Variants in CSMD1 observed in about 807,000 individuals in gnomAD.
The protein encoded by CSMD1 is CUB and Sushi multiple domains 1, also known as CUB and sushi domain-containing protein 1.
Under a neutral mutation model 417.5 loss-of-function variants are expected in CSMD1, and 213 were observed. The observed-to-expected ratio is 0.51, with a 90% CI of 0.46 to 0.57. The LOEUF (loss-of-function observed/expected upper bound fraction) is 0.57. Among genes scored for constraint, CSMD1 ranks in the 20% least tolerant of loss-of-function variants. The pLI is 0.00. For synonymous variants in CSMD1, 2,862 were observed against 1,736.8 expected, an observed-to-expected ratio of 1.65 and a Z score of -16.11; for missense variants, 6,923 against 4,529.7, an observed-to-expected ratio of 1.53 and a Z score of -15.17.
intron 29 of CSMD1, among the ~76,000 whole-genome samples, chr8:3,218,688 A>C (rs945764686): frequency 6.6e-6 from 1 of 152,022 alleles, no homozygotes; most frequent in Non-Finnish European, 1.5e-5. Context: ...CCTGACCAAT[A>C]TGATGAAACC....
chr8:4,459,694 G>A (rs1318088226), intron 2 of CSMD1, among the ~76,000 whole-genome samples: 1 of 152,136 alleles, frequency 6.6e-6, no homozygotes, highest in African/African-American at 2.4e-5. Flanking sequence ...TAAGAATATG[G>A]AGCCCAGAGC....
intron 3 of CSMD1, among the ~76,000 whole-genome samples, chr8:4,064,268 C>CT (rs1204636971): frequency 1.3e-5 from 2 of 152,166 alleles, no homozygotes; most frequent in Non-Finnish European, 2.9e-5. Context: ...TCAGTCTTCC[C>CT]TTTTTTATCG....
At chr8:4,113,596 G>C (rs1172341686) in intron 3 of CSMD1, among the ~76,000 whole-genome samples, 2 of 151,990 alleles carry the variant, frequency 1.3e-5, no homozygotes, top group African/African-American at 2.4e-5. Context: ...AGTAGAGACA[G>C]AGTTTCACTG....
At chr8:3,155,135 C>A (rs1819438276) in intron 39 of CSMD1, among the ~76,000 whole-genome samples, 1 of 151,850 alleles carries the variant, frequency 6.6e-6, no homozygotes, top group Admixed American at 6.6e-5. Context: ...AATAAAACAT[C>A]CCATTATGTA....
At chr8:4,586,382 A>G (rs965748964) in intron 2 of CSMD1, among the ~76,000 whole-genome samples, 1 of 152,204 alleles carries the variant, frequency 6.6e-6, no homozygotes, top group Admixed American at 6.5e-5. Flanking sequence ...TTTAAAGGTT[A>G]CATAAACTGT....
intron 3 of CSMD1, among the ~76,000 whole-genome samples, chr8:4,366,721 A>G (rs777845379): frequency 2.6e-5 from 4 of 151,870 alleles, no homozygotes; most frequent in Non-Finnish European, 5.9e-5. Flanking sequence ...TATTATTATT[A>G]TTAGACTTTA....
intron 7 of CSMD1, among the ~76,000 whole-genome samples, chr8:3,641,024 C>CTGT (rs1491242314): frequency 1.4e-4 from 14 of 102,752 alleles, no homozygotes; most frequent in African/African-American, 5.0e-4. Flanking sequence ...TCCTTTTTTC[C>CTGT]TTTTTTTTTT....
At chr8:3,599,934 G>A (rs775679023) in intron 8 of CSMD1, among the ~76,000 whole-genome samples, 7 of 152,166 alleles carry the variant, frequency 4.6e-5, no homozygotes, top group East Asian at 1.9e-4. Context: ...ACAGCAGGAC[G>A]TCTTAAAGCA....
At chr8:3,283,964 A>G (rs1168312539) in intron 26 of CSMD1, among the ~76,000 whole-genome samples, 180 bp downstream of exon 26, 1 of 152,280 alleles carries the variant, frequency 6.6e-6, no homozygotes, top group African/African-American at 2.4e-5. Flanking sequence ...GGCCTCAGCC[A>G]TGAACCCAGC....
chr8:4,081,995 G>GA (rs376453806), intron 3 of CSMD1, among the ~76,000 whole-genome samples: 2 of 151,774 alleles, frequency 1.3e-5, no homozygotes, highest in East Asian at 3.9e-4. Context: ...AAGTTAATAG[G>GA]AAAAAAATAT....
chr8:4,264,807 T>C (rs545249008), intron 3 of CSMD1, among the ~76,000 whole-genome samples: 2 of 152,272 alleles, frequency 1.3e-5, no homozygotes, highest in Admixed American at 6.5e-5. Flanking sequence ...TTAATTCTTC[T>C]TGTTGTGCCT....
intron 5 of CSMD1, among the ~76,000 whole-genome samples, chr8:3,948,577 C>T (rs752893541): frequency 2.0e-5 from 3 of 152,014 alleles, no homozygotes; most frequent in Non-Finnish European, 4.4e-5. Flanking sequence ...TGTGAACTTG[C>T]TCATGATAAA....
intron 56 of CSMD1, among the ~76,000 whole-genome samples, chr8:2,973,673 A>AG (rs551039952): frequency 0.026 from 3,926 of 152,270 alleles, 180 homozygotes; most frequent in African/African-American, 0.089. Context: ...GGAAAAAAAA[A>AG]AAAAAAGTCA....
chr8:3,082,355 C>T (rs11136575), intron 49 of CSMD1, among the ~76,000 whole-genome samples: 41,529 of 152,042 alleles, frequency 0.27, 5,737 homozygotes, highest in African/African-American at 0.33. Flanking sequence ...GCTGAGATTT[C>T]CTATGGGCTG....
intron 12 of CSMD1, among the ~76,000 whole-genome samples, chr8:3,420,956 G>C (rs1292175583): frequency 6.6e-6 from 1 of 152,000 alleles, no homozygotes. Context: ...ATATATTAAA[G>C]AGACTAATAC....
chr8:3,655,763 C>T (rs562068862), intron 7 of CSMD1, among the ~76,000 whole-genome samples: 1 of 151,564 alleles, frequency 6.6e-6, no homozygotes, highest in East Asian at 1.9e-4. Flanking sequence ...TTAGCTACGG[C>T]TGTAGGAGGC....
At chr8:4,387,869 T>C (rs933453868) in intron 3 of CSMD1, among the ~76,000 whole-genome samples, 5 of 152,174 alleles carry the variant, frequency 3.3e-5, no homozygotes, top group East Asian at 3.9e-4. Flanking sequence ...TATTCTTTAA[T>C]GTCCTTATTC....
At chr8:3,040,457 A>AATCT (rs147618880) in intron 50 of CSMD1, among the ~76,000 whole-genome samples, 5,869 of 147,940 alleles carry the variant, frequency 0.04, 404 homozygotes, top group African/African-American at 0.13. Context: ...TACAAATTGA[A>AATCT]ATCTATCTAT....
chr8:4,296,253 G>C (rs1797674367), intron 3 of CSMD1, among the ~76,000 whole-genome samples: 1 of 152,068 alleles, frequency 6.6e-6, no homozygotes, highest in African/African-American at 2.4e-5. Flanking sequence ...AGCTGGAGGA[G>C]TTTATAGCAC....
Sources: allele counts gnomAD v4.1 joint callset (sites outside exome capture counted in the v4.1 genomes callset), GRCh38; gene constraint gnomAD v4.1.1; transcripts MANE v1.5; gene names NCBI Gene and HGNC (gene_info 2026-07-23, HGNC 2026-07-21).